KIFC3: variants seen among roughly 807,000 people sequenced by gnomAD.
The protein encoded by KIFC3 is kinesin family member C3.
In KIFC3, 60 loss-of-function variants were observed where a neutral mutation model predicts 101.8. That is an observed-to-expected ratio of 0.59 (90% CI 0.48 to 0.73). KIFC3 has a LOEUF of 0.73. Among genes scored for constraint, KIFC3 ranks in the 30% least tolerant of loss-of-function variants. The probability of loss-of-function intolerance (pLI) is 0.00; values close to 1 mark genes in which losing one functional copy is unlikely to be tolerated. For synonymous variants in KIFC3, 476 were observed against 482.7 expected (o/e 0.99, Z 0.18); for missense variants, 966 against 1,137.1 (o/e 0.85, Z 2.16).
At chr16:57,774,873 CCTGACATAAGTGAA>C in intron 3 of KIFC3, 1 of 1,390,610 alleles carries the variant, frequency 7.2e-7, no homozygotes, top group Non-Finnish European at 9.3e-7. Context: ...CTCTCCCTAC[CCTGACATAAGTGAA>C]CTGACTTCCT....
chr16:57,817,445 A>G (rs1417629396), intron 1 of KIFC3, among the ~76,000 whole-genome samples: 1 of 152,048 alleles, frequency 6.6e-6, no homozygotes, highest in Non-Finnish European at 1.5e-5. Flanking sequence ...ATCCAAACCC[A>G]TGGTGTCAGT....
chr16:57,799,840 G>C (rs2911354), intron 1 of KIFC3, among the ~76,000 whole-genome samples: 1 of 152,196 alleles, frequency 6.6e-6, no homozygotes, highest in Admixed American at 6.5e-5. Flanking sequence ...GGAGAGGTTG[G>C]TCAGTGCCCA....
intron 1 of KIFC3, among the ~76,000 whole-genome samples, chr16:57,800,140 AAGGGTCC>A (rs2054626051): frequency 6.6e-6 from 1 of 152,114 alleles, no homozygotes; most frequent in Non-Finnish European, 1.5e-5. Flanking sequence ...TAATAAAGTA[AAGGGTCC>A]AGGGGTTAGG....
chr16:57,800,397 C>A (rs1261143626), intron 1 of KIFC3, among the ~76,000 whole-genome samples: 1 of 152,184 alleles, frequency 6.6e-6, no homozygotes, highest in Non-Finnish European at 1.5e-5. Context: ...TGGAAGAAAC[C>A]AAGGGGAGCA....
chr16:57,760,102 G>C lies in KIFC3; in HGVS notation c.2367+180C>G, dbSNP rs953975431. ...ACCCCACAGGAACCTCCGAGGCCAA[G>C]AAGAAATACCTGTACTGAAGAGGCT... On this transcript the variant is annotated intron_variant, in intron 17 of 19. Transcript: ENST00000445690. 3.0e-5 allele frequency: 23 copies of C among 776,408 alleles called. No homozygotes were observed. The East Asian group carries it at 3.3e-4, about 11-fold the overall frequency. 48.1% of individuals were successfully genotyped at this position (776,408 alleles called of 1,614,324 possible).
At chr16:57,848,214 A>G (rs1313545943) in intron 1 of KIFC3, among the ~76,000 whole-genome samples, 1 of 152,210 alleles carries the variant, frequency 6.6e-6, no homozygotes, top group Admixed American at 6.5e-5. Flanking sequence ...TGGAGATTCT[A>G]TTAAAGCTAT....
chr16:57,849,987 A>G (rs1275387818), intron 1 of KIFC3, among the ~76,000 whole-genome samples: 1 of 152,156 alleles, frequency 6.6e-6, no homozygotes, highest in Non-Finnish European at 1.5e-5. Context: ...GAGGGGAATC[A>G]GCCTCGAAAA....
At chr16:57,759,861 G>C in intron 17 of KIFC3, 25 bp from the exon 18 acceptor site, 1 of 1,572,310 alleles carries the variant, frequency 6.4e-7, no homozygotes, top group Non-Finnish European at 8.7e-7. Context: ...GGGCGGATGG[G>C]CGGGGGCCAC....
At chr16:57,859,665 G>A (rs891881139) in intron 1 of KIFC3, among the ~76,000 whole-genome samples, 11 of 152,070 alleles carry the variant, frequency 7.2e-5, no homozygotes, top group Admixed American at 2.6e-4. Flanking sequence ...CAGTGGGAGG[G>A]CAACTGTGTA....
intron 14 of KIFC3, 56 bp from the exon 15 acceptor site, chr16:57,761,227 C>T (rs2049813985): frequency 1.9e-6 from 3 of 1,602,820 alleles, no homozygotes; most frequent in Non-Finnish European, 2.6e-6. Context: ...TCCTCAGAGT[C>T]ACCTGGCCCC....
At chr16:57,849,849 G>A (rs1272871107) in intron 1 of KIFC3, among the ~76,000 whole-genome samples, 1 of 152,192 alleles carries the variant, frequency 6.6e-6, no homozygotes, top group African/African-American at 2.4e-5. Flanking sequence ...GTTGCAGTGA[G>A]CCGAGATCAT....
chr16:57,790,076 TTC>T (rs781881850), intron 3 of KIFC3, among the ~76,000 whole-genome samples: 434 of 35,760 alleles, frequency 0.012, 1 homozygote, highest in African/African-American at 0.052. Context: ...CTTTCTTTCT[TTC>T]TTTTTTTTTT....
intron 3 of KIFC3, chr16:57,776,064 C>T (rs2149030376): frequency 1.0e-6 from 1 of 985,520 alleles, no homozygotes; most frequent in Non-Finnish European, 1.2e-6. Flanking sequence ...TGTGTTTTCT[C>T]AGCTGTCTGC....
intron 3 of KIFC3, among the ~76,000 whole-genome samples, chr16:57,781,035 G>A (rs1163657343): frequency 2.0e-5 from 3 of 152,018 alleles, no homozygotes; most frequent in African/African-American, 4.8e-5. Context: ...AGTGCCGTGA[G>A]TGCCGGTCAC....
chr16:57,767,408 G>A (rs1555603962), intron 9 of KIFC3, among the ~76,000 whole-genome samples: 1 of 152,130 alleles, frequency 6.6e-6, no homozygotes, highest in Non-Finnish European at 1.5e-5. Flanking sequence ...TCATGAATCT[G>A]TAAAGATCTC....
intron 1 of KIFC3, among the ~76,000 whole-genome samples, chr16:57,827,335 C>T (rs189448204): frequency 3.9e-5 from 6 of 152,364 alleles, no homozygotes; most frequent in South Asian, 4.1e-4. Context: ...AGGCCACTGC[C>T]GGCTGCAGAG....
chr16:57,763,597 C>T (rs782673979), intron 12 of KIFC3, among the ~76,000 whole-genome samples: 2 of 152,198 alleles, frequency 1.3e-5, no homozygotes, highest in Admixed American at 6.5e-5. Context: ...CTCTCCCTGG[C>T]CTGCCACCTG....
At chr16:57,786,429 G>A (rs1449989438) in intron 3 of KIFC3, among the ~76,000 whole-genome samples, 1 of 152,138 alleles carries the variant, frequency 6.6e-6, no homozygotes, top group Non-Finnish European at 1.5e-5. Flanking sequence ...CACGGGGCCT[G>A]GGATGCTTGT....
chr16:57,766,194 C>T (rs1432166851), intron 10 of KIFC3, among the ~76,000 whole-genome samples: 3 of 152,164 alleles, frequency 2.0e-5, no homozygotes, highest in African/African-American at 4.8e-5. Flanking sequence ...GATCCCTGTG[C>T]TCTTGGAATG....
Sources: allele counts gnomAD v4.1 joint callset (sites outside exome capture counted in the v4.1 genomes callset), GRCh38; gene constraint gnomAD v4.1.1; transcripts MANE v1.5; gene names NCBI Gene and HGNC (gene_info 2026-07-23, HGNC 2026-07-21).